The following PCDHGA8 variants were observed in gnomAD, a reference collection of about 807,000 sequenced individuals.
PCDHGA8 encodes protocadherin gamma-A8.
A neutral mutation model predicts 59.2 loss-of-function variants in PCDHGA8; 45 were observed. The observed-to-expected ratio is 0.76, with a 90% CI of 0.60 to 0.98. The LOEUF is 0.98. Ranked by LOEUF, PCDHGA8 falls within the 50% of genes least tolerant of loss-of-function variation. The probability of loss-of-function intolerance (pLI) is 0.00; values close to 1 mark genes in which losing one functional copy is unlikely to be tolerated. For missense variants in PCDHGA8, 1,257 were observed against 1,196.2 expected (o/e 1.05, Z -0.75); for synonymous variants, 531 against 519.0 (o/e 1.02, Z -0.32).
At position 141,484,105 on chromosome 5, in the gene PCDHGA8, A is replaced by G. The variant is rs548687877; in HGVS notation, c.2425-10702A>G. On this transcript the variant is annotated intron_variant, in intron 1 of 3. Coordinates refer to ENST00000398604, the MANE Select transcript of PCDHGA8 (RefSeq NM_032088.2). Reference sequence around the variant, plus strand: ...GAAATGGTCTTCGTTGGTAATTAACAAAAGATCAAGAATACCTTGGTGTCA... The same window carrying G: ...GAAATGGTCTTCGTTGGTAATTAACGAAAGATCAAGAATACCTTGGTGTCA... Among the ~76,000 whole-genome samples, 3 of 152,316 alleles carry G rather than the reference A, an allele frequency of 2.0e-5. No individual in the cohort carries two copies. In the South Asian group the frequency reaches 6.2e-4, roughly 32 times the overall value.
chr5:141,423,525 G>A (rs1014975146), intron 1 of PCDHGA8: 8 of 1,613,710 alleles, frequency 5.0e-6, no homozygotes, highest in African/African-American at 2.7e-5. Context: ...ACTCGCAGAA[G>A]AGTCACCTGA....
At chr5:141,494,972 C>G in intron 2 of PCDHGA8, 107 bp downstream of exon 2, 1 of 1,581,852 alleles carries the variant, frequency 6.3e-7, no homozygotes, top group Non-Finnish European at 8.6e-7. Context: ...TGGCTTCTCC[C>G]TCAGTTTGAG....
At chr5:141,427,515 G>A (rs753526003) in intron 1 of PCDHGA8, 16 of 596,944 alleles carry the variant, frequency 2.7e-5, no homozygotes, top group African/African-American at 2.2e-4. Context: ...CCTGGATTGG[G>A]AGCGGATCCC....
chr5:141,405,103 G>A (rs368202826), intron 1 of PCDHGA8: 2 of 1,613,922 alleles, frequency 1.2e-6, no homozygotes, highest in Non-Finnish European at 1.7e-6. Flanking sequence ...TCAGGCTGAG[G>A]CACTGGCACT....
intron 1 of PCDHGA8, chr5:141,428,210 A>T: frequency 7.7e-7 from 1 of 1,293,350 alleles, no homozygotes; most frequent in Non-Finnish European, 1.1e-6. Flanking sequence ...GCTACGCTTC[A>T]CCTAGTCTTC....
intron 1 of PCDHGA8, among the ~76,000 whole-genome samples, chr5:141,484,023 G>A (rs67828357): frequency 0.059 from 8,857 of 150,044 alleles, 313 homozygotes; most frequent in South Asian, 0.11. Context: ...GGTGGGGTGA[G>A]ATCAAGTCTC....
intron 1 of PCDHGA8, chr5:141,420,410 A>G (rs2096494809): frequency 2.4e-6 from 3 of 1,236,296 alleles, no homozygotes; most frequent in South Asian, 4.4e-5. Flanking sequence ...TATGGTTATC[A>G]TTATTAAAAC....
Position 141,476,838 on chromosome 5 carries a change from C to T in PCDHGA8, c.2425-17969C>T, listed in dbSNP as rs1347278637. 2.5e-6 allele frequency: 4 copies of T among 1,613,496 alleles called. No individual in the cohort carries two copies. Among genetic ancestry groups the T allele is most frequent in the Non-Finnish European group, 3.4e-6 (4 of 1,180,054 alleles). ...AAGGTGCTGGACGCGAATGACAATG[C>T]GCCTGTCTTCAACCAGTCCTTGTAC... On this transcript the variant is annotated intron_variant, in intron 1 of 3. Transcript: ENST00000398604. This position sits in a 1 kb window ranked among gnomAD's most constrained non-coding sequence, Gnocchi z 7.6.
intron 1 of PCDHGA8, chr5:141,415,453 G>A (rs759873920): frequency 1.9e-6 from 3 of 1,614,176 alleles, no homozygotes. Context: ...CTATTCCCAC[G>A]AGGTCTCTCT....
At position 141,486,427 on chromosome 5, in the gene PCDHGA8, A is replaced by T. The variant is rs775958317; in HGVS notation, c.2425-8380A>T. ...CTGGACCCTTGGATCGAGAGGCCAAATCTAGCTATGACATCATGGTCACTG... is the reference window on the plus strand; with the variant it reads ...CTGGACCCTTGGATCGAGAGGCCAATTCTAGCTATGACATCATGGTCACTG... On this transcript the variant is annotated intron_variant, in intron 1 of 3. Transcript: ENST00000398604. The surrounding 1 kb of genome is among the most constrained non-coding windows in gnomAD (Gnocchi z 5.0). 17 of 1,614,042 alleles carry T rather than the reference A, an allele frequency of 1.1e-5. No homozygotes were observed. The Admixed American group carries it at 2.8e-4, about 27-fold the overall frequency.
At position 141,431,493 on chromosome 5, in the gene PCDHGA8, C is replaced by G. The variant is rs1281626711; in HGVS notation, c.2424+36256C>G. On this transcript the variant is annotated intron_variant, in intron 1 of 3. Transcript: ENST00000398604. The surrounding 1 kb of genome is among the most constrained non-coding windows in gnomAD (Gnocchi z 4.8). ...GACAACGCACCAGCGTTTGCTCAGC[C>G]CGAGTACCGCGCGAGCGTTCCGGAG... 1 of 1,613,994 alleles carries G rather than the reference C, an allele frequency of 6.2e-7. No individual in the cohort carries two copies. The highest frequency in any genetic ancestry group is 8.5e-7 in the Non-Finnish European group (1 of 1,180,042).
intron 1 of PCDHGA8, among the ~76,000 whole-genome samples, chr5:141,481,913 C>CAAAA (rs34114744): frequency 1.1e-5 from 1 of 90,846 alleles, no homozygotes; most frequent in African/African-American, 4.2e-5. Context: ...AACTCCATCT[C>CAAAA]AAAAAAAAAA....
chr5:141,503,367 C>T (rs1038565489), intron 2 of PCDHGA8, among the ~76,000 whole-genome samples: 5 of 151,908 alleles, frequency 3.3e-5, no homozygotes, highest in African/African-American at 9.7e-5. Flanking sequence ...GAAGCGGAGG[C>T]AGGTGGATCA....
At chr5:141,452,134 T>C (rs539377216) in intron 1 of PCDHGA8, among the ~76,000 whole-genome samples, 2 of 152,344 alleles carry the variant, frequency 1.3e-5, no homozygotes, top group South Asian at 2.1e-4. Flanking sequence ...ATATGGCTCA[T>C]GTGTTTTTTC....
chr5:141,433,208 C>CTTT, intron 1 of PCDHGA8: 2 of 1,293,022 alleles, frequency 1.5e-6, no homozygotes, highest in Non-Finnish European at 2.1e-6. Context: ...AATCTTCTTT[C>CTTT]TTTTTTTTTT....
intron 1 of PCDHGA8, among the ~76,000 whole-genome samples, chr5:141,469,392 T>C (rs2099199760): frequency 6.6e-6 from 1 of 152,046 alleles, no homozygotes; most frequent in South Asian, 2.1e-4. Flanking sequence ...CTGGCCAACA[T>C]GGTGAAACCC....
rs961341807 is a variant in PCDHGA8 at position 141,486,262 on chromosome 5, A to G, written c.2425-8545A>G. The G allele has an allele frequency of 6.2e-6, 10 of 1,613,912 alleles. No individual in the cohort carries two copies. Among genetic ancestry groups the G allele is most frequent in the Non-Finnish European group, 8.5e-6 (10 of 1,179,986 alleles). On this transcript the variant is annotated intron_variant, in intron 1 of 3. Transcript: ENST00000398604. This position sits in a 1 kb window ranked among gnomAD's most constrained non-coding sequence, Gnocchi z 5.0. ...AGCTTGGAACCCTCCCCGAGAGTGC[A>G]GAACCTGGCACTGTGGTGGCACTTA...
intron 1 of PCDHGA8, chr5:141,404,106 C>G: frequency 1.2e-6 from 2 of 1,613,428 alleles, no homozygotes; most frequent in Non-Finnish European, 1.7e-6. Flanking sequence ...GTTGTCTGTT[C>G]TATCCAGGAG....
Position 141,404,829 on chromosome 5 carries a change from T to C in PCDHGA8, c.2424+9592T>C. Reference sequence around the variant, plus strand: ...TCGGTGGGGCTGCACACAGGTGAAGTGCGCACAGCTCGGGCCCTGCTAGAT... The same window carrying C: ...TCGGTGGGGCTGCACACAGGTGAAGCGCGCACAGCTCGGGCCCTGCTAGAT... On this transcript the variant is annotated intron_variant, in intron 1 of 3. Transcript: ENST00000398604. 1.9e-6 allele frequency: 3 copies of C among 1,608,020 alleles called. No individual in the cohort carries two copies. The South Asian group carries it at 3.3e-5, about 18-fold the overall frequency.
Sources: allele counts gnomAD v4.1 joint callset (sites outside exome capture counted in the v4.1 genomes callset), GRCh38; gene constraint gnomAD v4.1.1; non-coding constraint Gnocchi (gnomAD v3.1); transcripts MANE v1.5; gene names NCBI Gene and HGNC (gene_info 2026-07-23, HGNC 2026-07-21).